NCR3LG1: variants seen among roughly 807,000 people sequenced by gnomAD.
NCR3LG1 encodes natural killer cell cytotoxicity receptor 3 ligand 1, also known as natural cytotoxicity triggering receptor 3 ligand 1.
In NCR3LG1, 35 loss-of-function variants were observed where a neutral mutation model predicts 34.8. The ratio of observed to expected loss-of-function variants is 1.01; its 90% CI spans 0.77 to 1.33. NCR3LG1 has a LOEUF of 1.33. Ranked by LOEUF, NCR3LG1 falls within the 40% of genes most tolerant of loss-of-function variation. NCR3LG1 has a pLI of 0.00. For missense variants in NCR3LG1, 452 were observed against 423.3 expected (o/e 1.07, Z -0.60); for synonymous variants, 173 against 163.6 (o/e 1.06, Z -0.44).
rs186112493 is a variant in NCR3LG1, at chr11:17,374,266, T to A, written c.*1754T>A. On this transcript the variant is annotated 3_prime_UTR_variant, in exon 5 of 5. Coordinates refer to ENST00000338965, the MANE Select transcript of NCR3LG1 (RefSeq NM_001202439.3). The stretch of plus-strand genomic sequence containing the variant: ...TGGGCCTAAAGGATGCCTTTTTCTG[T>A]ATACCTTTATACCCTGACTCCCAAT... 1 of 152,290 alleles carries A rather than the reference T, an allele frequency of 6.6e-6. No individual in the cohort carries two copies. Among genetic ancestry groups the A allele is most frequent in the East Asian group, 1.9e-4 (1 of 5,180 alleles). The allele number at this position is 152,290 out of a possible 1,614,324, so 9.4% of individuals were successfully genotyped here. A position where few individuals can be genotyped will look rare whatever the true frequency, so the allele number is the denominator to read the frequency against.
At chr11:17,379,239 TGTG>T, downstream of NCR3LG1, among the ~76,000 whole-genome samples, 1 of 152,154 alleles carries the variant, frequency 6.6e-6, no homozygotes, top group Non-Finnish European at 1.5e-5. Flanking sequence ...ACTGCTACAT[TGTG>T]GTGCATTGGT....
Position 17,375,546 on chromosome 11 carries a change from T to A in NCR3LG1, c.*3034T>A, listed in dbSNP as rs1490368566. On this transcript the variant is annotated 3_prime_UTR_variant, in exon 5 of 5. Coordinates refer to ENST00000338965, the MANE Select transcript of NCR3LG1 (RefSeq NM_001202439.3). ...CTAACATTTATACTGACTCCAAGTG[T>A]ACCTTTCTAGTTCTCCTTGCCCATG... 1 of 152,258 alleles carries A rather than the reference T, an allele frequency of 6.6e-6. No homozygotes were observed. The highest frequency in any genetic ancestry group is 2.4e-5 in the African/African-American group (1 of 41,442). 9.4% of individuals were successfully genotyped at this position (152,258 alleles called of 1,614,324 possible).
chr11:17,353,572 C>G (rs1953166867), intron 1 of NCR3LG1, among the ~76,000 whole-genome samples: 2 of 152,222 alleles, frequency 1.3e-5, no homozygotes, highest in Non-Finnish European at 2.9e-5. Context: ...CCGGCGCCCC[C>G]TCCTCAGGGG....
Position 17,352,053 on chromosome 11 carries a change from G to A in NCR3LG1, c.70+14G>A, listed in dbSNP as rs1287925117. On this transcript the variant is annotated intron_variant, in intron 1 of 4. Coordinates refer to ENST00000338965, the MANE Select transcript of NCR3LG1 (RefSeq NM_001202439.3). Reference sequence around the variant, plus strand: ...TGACGACCGAAGGTAGGGGGCGGCTGGGGTGGGCTGGGGCGGGGGCTCCTG... The same window carrying A: ...TGACGACCGAAGGTAGGGGGCGGCTAGGGTGGGCTGGGGCGGGGGCTCCTG... The A allele has an allele frequency of 7.5e-6, 11 of 1,471,254 alleles. No homozygotes were observed. Among genetic ancestry groups the A allele is most frequent in the Non-Finnish European group, 9.0e-6 (10 of 1,105,858 alleles). 91.1% of individuals were successfully genotyped at this position (1,471,254 alleles called of 1,614,324 possible).
At chr11:17,353,985 A>G (rs984749342) in intron 1 of NCR3LG1, among the ~76,000 whole-genome samples, 1 of 152,226 alleles carries the variant, frequency 6.6e-6, no homozygotes, top group African/African-American at 2.4e-5. Context: ...ACAAGAAAAA[A>G]AAAATCCAGT....
intron 3 of NCR3LG1, 26 bp from the exon 4 acceptor site, chr11:17,368,841 C>G (rs961859696): frequency 6.9e-7 from 1 of 1,456,556 alleles, no homozygotes; most frequent in African/African-American, 1.4e-5. Context: ...AGGTTTCCTG[C>G]TAATGTTTTC....
chr11:17,367,637 G>A (rs1383907758), intron 3 of NCR3LG1, among the ~76,000 whole-genome samples: 1 of 152,220 alleles, frequency 6.6e-6, no homozygotes, highest in Admixed American at 6.5e-5. Context: ...GTTTTGGATG[G>A]TCCATATGGC....
At chr11:17,352,181 T>A in intron 1 of NCR3LG1, 142 bp downstream of exon 1, 2 of 258,928 alleles carry the variant, frequency 7.7e-6, no homozygotes, top group East Asian at 1.2e-4. Flanking sequence ...CTTCTCCTTT[T>A]TTTTTTTTTT....
chr11:17,370,880 T>C (rs1469079637), intron 4 of NCR3LG1, among the ~76,000 whole-genome samples: 1 of 152,220 alleles, frequency 6.6e-6, no homozygotes, highest in Non-Finnish European at 1.5e-5. Flanking sequence ...CCTGGGGAGA[T>C]AATCCTGTTA....
At chr11:17,362,741 TTTCTTTCTTTCTTTC>T (rs1953290717) in intron 2 of NCR3LG1, among the ~76,000 whole-genome samples, 3 of 99,736 alleles carry the variant, frequency 3.0e-5, no homozygotes, top group African/African-American at 1.7e-4. Context: ...TCTTTCTTTC[TTTCTTTCTTTCTTTC>T]TTTCTTTCTT....
At chr11:17,353,738 G>T (rs577115031) in intron 1 of NCR3LG1, among the ~76,000 whole-genome samples, 1 of 152,326 alleles carries the variant, frequency 6.6e-6, no homozygotes, top group East Asian at 1.9e-4. Flanking sequence ...AGCTCCTGGA[G>T]GAAGCTAGTT....
chr11:17,367,045 G>A lies in NCR3LG1; in HGVS notation c.458G>A (p.Gly153Asp), dbSNP rs752317460. 3.9e-6 allele frequency: 6 copies of A among 1,534,992 alleles called. No homozygotes were observed. In the South Asian group the frequency reaches 7.1e-5, roughly 18 times the overall value. Reference protein sequence around the residue: ...PASRLLLDQVGMKENEDKYMC... With the variant: ...PASRLLLDQVDMKENEDKYMC... ...AGCAGATTGTTGCTGGATCAAGTGG[G>A]CATGAAAGAGAATGAAGACAAATAT... is the stretch of plus-strand genomic sequence containing the variant. The change falls in exon 3 of 5, where the codon GGC becomes GAC. Residue 153 changes from glycine to aspartate, a missense_variant. Coordinates refer to ENST00000338965, the MANE Select transcript of NCR3LG1 (RefSeq NM_001202439.3).
intron 2 of NCR3LG1, among the ~76,000 whole-genome samples, chr11:17,363,092 A>ATT (rs71457873): frequency 7.4e-6 from 1 of 135,764 alleles, no homozygotes; most frequent in Non-Finnish European, 1.6e-5. Context: ...TGCTAATTTA[A>ATT]TTTTTTTTTT....
chr11:17,352,591 C>T (rs952871761), intron 1 of NCR3LG1, among the ~76,000 whole-genome samples: 7 of 152,208 alleles, frequency 4.6e-5, no homozygotes, highest in Non-Finnish European at 8.8e-5. Flanking sequence ...GGAAACGGTG[C>T]TTCCTTGGAT....
At chr11:17,371,127 G>A (rs964975156) in intron 4 of NCR3LG1, among the ~76,000 whole-genome samples, 1 of 151,494 alleles carries the variant, frequency 6.6e-6, no homozygotes, top group Non-Finnish European at 1.5e-5. Context: ...ATTGCCCAAT[G>A]AATTTAAGCA....
In NCR3LG1 at chr11:17,372,369, C is replaced by A. The variant is rs1360757024; in HGVS notation, c.1222C>A (p.Gln408Lys). The change falls in exon 5 of 5, where the codon CAA (glutamine) becomes AAA (lysine). Residue 408 changes from glutamine to lysine, a missense_variant. Physicochemically the swap from Gln to Lys is moderately conservative, Grantham distance 53 (BLOSUM62 1). Coordinates refer to ENST00000338965, the MANE Select transcript of NCR3LG1 (RefSeq NM_001202439.3). ...TGATAATTCCACAAAGTCTGAGAAA[C>A]AAACCCCTAGGGAACACTCGGATGC... Reference protein sequence around the residue: ...IDDNSTKSEKQTPREHSDAVP... With the variant: ...IDDNSTKSEKKTPREHSDAVP... 1.4e-6 allele frequency: 1 copy of A among 703,078 alleles called. No individual in the cohort carries two copies. Among genetic ancestry groups the A allele is most frequent in the Non-Finnish European group, 2.6e-6 (1 of 385,006 alleles). The allele number at this position is 703,078 out of a possible 1,614,324, so 43.6% of individuals were successfully genotyped here. A position where few individuals can be genotyped will look rare whatever the true frequency, so the allele number is the denominator to read the frequency against.
chr11:17,373,224 G>A lies in NCR3LG1; in HGVS notation c.*712G>A, dbSNP rs1236149644. On this transcript the variant is annotated 3_prime_UTR_variant, in exon 5 of 5. Coordinates refer to ENST00000338965, the MANE Select transcript of NCR3LG1 (RefSeq NM_001202439.3). ...GTAGCCACCTCGGTCTTTTATAATA[G>A]GGACCAGGAGGAGGCCCAGGGGAAG... is the stretch of plus-strand genomic sequence containing the variant. 1 of 152,246 alleles carries A rather than the reference G, an allele frequency of 6.6e-6. No homozygotes were observed. The highest frequency in any genetic ancestry group is 1.5e-5 in the Non-Finnish European group (1 of 68,074). 9.4% of individuals were successfully genotyped at this position (152,246 alleles called of 1,614,324 possible). A position where few individuals can be genotyped will look rare whatever the true frequency, so the allele number is the denominator to read the frequency against.
At chr11:17,379,819 T>G (rs1953504490), downstream of NCR3LG1, among the ~76,000 whole-genome samples, 1 of 152,236 alleles carries the variant, frequency 6.6e-6, no homozygotes, top group Non-Finnish European at 1.5e-5. Context: ...CAGCATAAGC[T>G]AAGTGCTACA....
rs1338572817 is a variant in NCR3LG1, at chr11:17,374,047, A to AC, written c.*1536dup. The stretch of plus-strand genomic sequence containing the variant: ...ACGCCAGCATTGATAACCTAAAGGC[A>AC]CAAGGCCTCCTTAGGCCTTGCAGTA... On this transcript the variant is annotated 3_prime_UTR_variant, in exon 5 of 5. Transcript: ENST00000338965. The AC allele has an allele frequency of 1.3e-5, 2 of 152,160 alleles. No individual in the cohort carries two copies. The highest frequency in any genetic ancestry group is 2.9e-5 in the Non-Finnish European group (2 of 68,026). 9.4% of individuals were successfully genotyped at this position (152,160 alleles called of 1,614,324 possible). A position where few individuals can be genotyped will look rare whatever the true frequency, so the allele number is the denominator to read the frequency against.
Sources: gnomAD v4.1 joint callset for allele counts (sites outside exome capture counted in the v4.1 genomes callset) on GRCh38, gnomAD v4.1.1 for gene constraint, MANE v1.5 for transcripts, NCBI Gene and HGNC (gene_info 2026-07-23, HGNC 2026-07-21) for gene names.